FARP1: variants seen among roughly 807,000 people sequenced by gnomAD.
FARP1 encodes FERM, ARHGEF and pleckstrin domain-containing protein 1.
In FARP1, 52 loss-of-function variants were observed where a neutral mutation model predicts 128.8. That is an observed-to-expected ratio of 0.40 (90% CI 0.32 to 0.51). The LOEUF (loss-of-function observed/expected upper bound fraction) is 0.51, where lower values mean the gene tolerates loss of function less well. Among genes scored for constraint, FARP1 ranks in the 20% least tolerant of loss-of-function variants. The pLI, the probability that FARP1 is intolerant of heterozygous loss-of-function variation, is 0.45. For missense variants in FARP1, 1,333 were observed against 1,367.9 expected (o/e 0.97, Z 0.40); for synonymous variants, 580 against 551.8 (o/e 1.05, Z -0.72).
At chr13:98,286,645 G>T in intron 2 of FARP1, among the ~76,000 whole-genome samples, 1 of 152,040 alleles carries the variant, frequency 6.6e-6, no homozygotes, top group South Asian at 2.1e-4. Context: ...GTTCTGTCTT[G>T]GGTTTCCCTT....
chr13:98,344,139 G>T (rs758125045), intron 3 of FARP1, among the ~76,000 whole-genome samples: 3 of 152,146 alleles, frequency 2.0e-5, no homozygotes, highest in Non-Finnish European at 4.4e-5. Context: ...AGCTGTTAAT[G>T]CATTTAAAAG....
At chr13:98,439,648 C>CT in intron 21 of FARP1, among the ~76,000 whole-genome samples, 1 of 152,322 alleles carries the variant, frequency 6.6e-6, no homozygotes, top group African/African-American at 2.4e-5. Flanking sequence ...TCCTGTCCCC[C>CT]TTGGCAGGCA....
chr13:98,277,109 T>TACACACACACACACACACACAC (rs368911842), intron 2 of FARP1, among the ~76,000 whole-genome samples: 5,728 of 118,016 alleles, frequency 0.049, 281 homozygotes, highest in Non-Finnish European at 0.051. Flanking sequence ...TCTAGAAAAA[T>TACACACACACACACACACACAC]ACACACACAC....
chr13:98,420,751 G>T (rs1357878246), intron 16 of FARP1, among the ~76,000 whole-genome samples: 1 of 152,194 alleles, frequency 6.6e-6, no homozygotes, highest in African/African-American at 2.4e-5. Flanking sequence ...TTCTTGTGAG[G>T]TTAACATCCA....
chr13:98,244,504 C>T, intron 2 of FARP1: 3 of 1,614,136 alleles, frequency 1.9e-6, no homozygotes, highest in African/African-American at 1.3e-5. Flanking sequence ...GTGTCCTCAT[C>T]CTCCTTCCTC....
chr13:98,385,545 G>T, intron 7 of FARP1, 122 bp from the exon 8 acceptor site: 1 of 1,060,418 alleles, frequency 9.4e-7, no homozygotes, highest in South Asian at 1.3e-5. Flanking sequence ...ATCTGATCGG[G>T]TAGCCCCAGT....
At chr13:98,358,479 G>A (rs573514787) in intron 3 of FARP1, among the ~76,000 whole-genome samples, 21 of 152,024 alleles carry the variant, frequency 1.4e-4, no homozygotes, top group South Asian at 8.3e-4. Flanking sequence ...TATTTTGACC[G>A]GAAGTGAAAA....
At chr13:98,341,842 C>T (rs913097470) in intron 2 of FARP1, among the ~76,000 whole-genome samples, 25 of 152,120 alleles carry the variant, frequency 1.6e-4, no homozygotes, top group Admixed American at 7.9e-4. Flanking sequence ...ATAATATTCC[C>T]TTTCCCTATA....
chr13:98,426,990 C>T (rs1030159286), intron 17 of FARP1, among the ~76,000 whole-genome samples: 1 of 152,176 alleles, frequency 6.6e-6, no homozygotes, highest in African/African-American at 2.4e-5. Flanking sequence ...ACAGTTTCCC[C>T]TGCTATTAGC....
intron 2 of FARP1, among the ~76,000 whole-genome samples, chr13:98,226,926 G>A (rs1394173114): frequency 6.6e-6 from 1 of 151,892 alleles, no homozygotes; most frequent in Non-Finnish European, 1.5e-5. Flanking sequence ...AACCAATCAT[G>A]TTGCATTTCT....
chr13:98,221,920 G>A (rs1288753905), intron 2 of FARP1, among the ~76,000 whole-genome samples: 1 of 152,124 alleles, frequency 6.6e-6, no homozygotes, highest in Non-Finnish European at 1.5e-5. Context: ...CATATTAAAT[G>A]GACTGATTTT....
intron 2 of FARP1, among the ~76,000 whole-genome samples, chr13:98,297,788 A>G (rs1885763828): frequency 6.6e-6 from 1 of 152,150 alleles, no homozygotes; most frequent in Admixed American, 6.5e-5. Flanking sequence ...CTTCACCCCC[A>G]CCAATAGGAA....
intron 1 of FARP1, among the ~76,000 whole-genome samples, chr13:98,155,129 C>T (rs1876407621): frequency 6.6e-6 from 1 of 152,028 alleles, no homozygotes; most frequent in Admixed American, 6.6e-5. Flanking sequence ...GGCAGATCAC[C>T]TGAGGTTGGG....
intron 2 of FARP1, among the ~76,000 whole-genome samples, chr13:98,308,054 T>C (rs1886262223): frequency 2.4e-5 from 2 of 83,922 alleles, no homozygotes; most frequent in Admixed American, 2.9e-4. Flanking sequence ...TTTTTTTTTT[T>C]TTTTTTTTTT....
intron 3 of FARP1, among the ~76,000 whole-genome samples, chr13:98,356,051 T>C (rs76631002): frequency 0.013 from 1,936 of 152,332 alleles, 21 homozygotes; most frequent in Middle Eastern, 0.02. Flanking sequence ...GTGTTTTACA[T>C]GCACTTGGAA....
chr13:98,245,926 G>A (rs1883026145), intron 2 of FARP1, among the ~76,000 whole-genome samples: 1 of 150,738 alleles, frequency 6.6e-6, no homozygotes, highest in African/African-American at 2.4e-5. Context: ...ACGCCGCCAC[G>A]CCACCATGCC....
chr13:98,441,763 C>T (rs1009798256), intron 24 of FARP1, among the ~76,000 whole-genome samples: 8 of 152,132 alleles, frequency 5.3e-5, no homozygotes, highest in African/African-American at 1.9e-4. Flanking sequence ...AGGGGGAGTC[C>T]AGTTTCCGTG....
intron 2 of FARP1, among the ~76,000 whole-genome samples, chr13:98,242,328 G>C (rs1435894803): frequency 6.6e-6 from 1 of 152,128 alleles, no homozygotes; most frequent in Non-Finnish European, 1.5e-5. Context: ...ACATTCATTA[G>C]CTAAATAGGA....
chr13:98,308,483 G>A (rs1321385237), intron 2 of FARP1, among the ~76,000 whole-genome samples: 8 of 152,118 alleles, frequency 5.3e-5, no homozygotes, highest in African/African-American at 1.7e-4. Flanking sequence ...GTCAGAGGCT[G>A]GAGCCGCTGT....
Sources: gnomAD v4.1 joint callset for allele counts (sites outside exome capture counted in the v4.1 genomes callset) on GRCh38, gnomAD v4.1.1 for gene constraint, MANE v1.5 for transcripts, NCBI Gene and HGNC (gene_info 2026-07-23, HGNC 2026-07-21) for gene names.